The following USP32 variants were observed in gnomAD, a reference collection of about 807,000 sequenced individuals.
The protein encoded by USP32 is ubiquitin carboxyl-terminal hydrolase 32.
In USP32, 59 loss-of-function variants were observed where a neutral mutation model predicts 204.8. The observed-to-expected ratio is 0.29, with a 90% confidence interval of 0.23 to 0.36. The LOEUF is 0.36. Among genes scored for constraint, USP32 ranks in the 10% least tolerant of loss-of-function variants. The pLI, the probability that USP32 is intolerant of heterozygous loss-of-function variation, is 1.00. For missense variants in USP32, 1,160 were observed against 1,946.4 expected (o/e 0.60, Z 7.60); for synonymous variants, 517 against 678.4 (o/e 0.76, Z 3.70).
intron 29 of USP32, among the ~76,000 whole-genome samples, chr17:60,189,115 T>A (rs1295067084): frequency 6.6e-6 from 1 of 152,260 alleles, no homozygotes; most frequent in Non-Finnish European, 1.5e-5. Context: ...TGACAAAGAT[T>A]TATGAATCTA....
intron 2 of USP32, among the ~76,000 whole-genome samples, chr17:60,317,635 C>A (rs563871745): frequency 2.0e-5 from 3 of 151,712 alleles, no homozygotes; most frequent in Non-Finnish European, 2.9e-5. Context: ...GGCAAAATAG[C>A]GAGACCCTCA....
chr17:60,413,876 G>GAAAAAAAAAAAAAAAAAAAA (rs753405307), intron 1 of USP32, among the ~76,000 whole-genome samples: 1 of 95,108 alleles, frequency 1.1e-5, no homozygotes, highest in Non-Finnish European at 2.1e-5. Flanking sequence ...AAAAAAAAAA[G>GAAAAAAAAAAAAAAAAAAAA]AAAAAAAAAA....
intron 26 of USP32, among the ~76,000 whole-genome samples, chr17:60,201,258 T>C (rs2084668424): frequency 6.6e-6 from 1 of 152,210 alleles, no homozygotes; most frequent in Non-Finnish European, 1.5e-5. Context: ...TCCTGTATAA[T>C]GTTCCATTAT....
chr17:60,183,490 G>T (rs1194761074), intron 30 of USP32, 37 bp from the exon 31 acceptor site: 1 of 1,526,004 alleles, frequency 6.6e-7, no homozygotes, highest in Non-Finnish European at 8.8e-7. Context: ...TGCATTAAAG[G>T]GTTCTGAAGA....
chr17:60,388,211 G>C (rs1180148439), intron 1 of USP32, among the ~76,000 whole-genome samples: 3 of 151,696 alleles, frequency 2.0e-5, no homozygotes, highest in East Asian at 3.9e-4. Context: ...TTTAAAGAAA[G>C]GGATTAGAAG....
intron 1 of USP32, among the ~76,000 whole-genome samples, chr17:60,389,507 C>T (rs2089791837): frequency 6.6e-6 from 1 of 151,402 alleles, no homozygotes; most frequent in Non-Finnish European, 1.5e-5. Context: ...CACGCCACTG[C>T]ACTCCAGCCT....
chr17:60,240,464 GGA>G (rs200071576), intron 11 of USP32, among the ~76,000 whole-genome samples: 1,816 of 151,086 alleles, frequency 0.012, 20 homozygotes, highest in Middle Eastern at 0.017. Context: ...AGAGAGGGAG[GGA>G]GAGAGAGGAA....
chr17:60,230,361 T>C (rs921563514), intron 12 of USP32, among the ~76,000 whole-genome samples: 1 of 152,202 alleles, frequency 6.6e-6, no homozygotes, highest in East Asian at 1.9e-4. Context: ...GCTCAGTCCA[T>C]AGGTTAAATC....
At chr17:60,367,260 C>T (rs1038921987) in intron 1 of USP32, among the ~76,000 whole-genome samples, 12 of 152,074 alleles carry the variant, frequency 7.9e-5, no homozygotes, top group African/African-American at 1.7e-4. Flanking sequence ...GGTAACCCTA[C>T]GACTTTGGGA....
At chr17:60,194,344 C>A (rs2084460264) in intron 27 of USP32, among the ~76,000 whole-genome samples, 1 of 152,168 alleles carries the variant, frequency 6.6e-6, no homozygotes, top group South Asian at 2.1e-4. Context: ...GCACCCTACC[C>A]CCTGCACTTT....
chr17:60,332,919 A>C (rs1461492110), intron 2 of USP32, among the ~76,000 whole-genome samples: 1 of 152,262 alleles, frequency 6.6e-6, no homozygotes, highest in Admixed American at 6.5e-5. Context: ...TTTACAAAGA[A>C]GTAAAAAGAA....
intron 23 of USP32, 68 bp from the exon 24 acceptor site, chr17:60,208,278 C>T (rs1272811910): frequency 6.9e-7 from 1 of 1,446,618 alleles, no homozygotes; most frequent in Non-Finnish European, 9.1e-7. Context: ...ATGCTGTGTA[C>T]AGATATATCT....
chr17:60,203,235 T>C (rs2084725856), intron 26 of USP32, among the ~76,000 whole-genome samples: 1 of 150,902 alleles, frequency 6.6e-6, no homozygotes, highest in Non-Finnish European at 1.5e-5. Flanking sequence ...ACCCCATCTC[T>C]ACTAAAAATA....
At chr17:60,380,870 G>C (rs147650181) in intron 1 of USP32, among the ~76,000 whole-genome samples, 6 of 152,158 alleles carry the variant, frequency 3.9e-5, no homozygotes, top group Non-Finnish European at 7.3e-5. Context: ...ATTTGTGCTT[G>C]TCCTTGCATA....
chr17:60,291,052 T>G lies in USP32; in HGVS notation c.412-2370A>C, dbSNP rs117273931. ...TCAAAACACTCTCTACAGAAGACAC[T>G]ATTATTATCCCCATTTTATCATGAG... On this transcript the variant is annotated intron_variant, in intron 4 of 33. Transcript: ENST00000300896. Among the ~76,000 whole-genome samples, 262 of 152,300 alleles carry G rather than the reference T, an allele frequency of 1.7e-3. 10 individuals are homozygous for G. In the East Asian group the frequency reaches 0.049, roughly 29 times the overall value.
intron 1 of USP32, among the ~76,000 whole-genome samples, chr17:60,369,161 A>AT (rs1236888351): frequency 3.5e-5 from 5 of 142,690 alleles, no homozygotes; most frequent in Non-Finnish European, 7.4e-5. Context: ...CGCCCGGCTA[A>AT]TTTTTTGTAT....
At chr17:60,206,930 T>G (rs1183002308) in intron 25 of USP32, 91 bp downstream of exon 25, 2 of 1,517,304 alleles carry the variant, frequency 1.3e-6, no homozygotes, top group East Asian at 2.5e-5. Flanking sequence ...TGCTATAATA[T>G]CCTCAGCATG....
intron 1 of USP32, among the ~76,000 whole-genome samples, chr17:60,369,423 T>TG (rs2089393986): frequency 1.2e-5 from 1 of 85,126 alleles, no homozygotes; most frequent in East Asian, 3.7e-4. Context: ...GACCCCTACC[T>TG]AAAAAAAAAA....
chr17:60,421,945 G>C (rs2090122592), intron 1 of USP32: 1 of 985,270 alleles, frequency 1.0e-6, no homozygotes, highest in African/African-American at 1.7e-5. Flanking sequence ...GCCGCGGGGA[G>C]GGTTACAGAG....
Sources: gnomAD v4.1 joint callset for allele counts (sites outside exome capture counted in the v4.1 genomes callset) on GRCh38, gnomAD v4.1.1 for gene constraint, MANE v1.5 for transcripts, NCBI Gene and HGNC (gene_info 2026-07-23, HGNC 2026-07-21) for gene names.